ZSWIM6: variants seen among roughly 807,000 people sequenced by gnomAD.
The protein encoded by ZSWIM6 is zinc finger SWIM domain-containing protein 6.
ZSWIM6 carries 9 observed loss-of-function variants against 113.2 expected under a neutral mutation model. The observed-to-expected ratio is 0.08, with a 90% confidence interval of 0.05 to 0.14. The LOEUF is 0.14. Ranked by LOEUF, ZSWIM6 falls within the 10% of genes least tolerant of loss-of-function variation. The pLI, the probability that ZSWIM6 is intolerant of heterozygous loss-of-function variation, is 1.00. For missense variants in ZSWIM6, 1,162 were observed against 1,552.2 expected (o/e 0.75, Z 4.22); for synonymous variants, 611 against 606.5 (o/e 1.01, Z -0.11).
chr5:61,332,686 C>G lies in ZSWIM6; in HGVS notation c.414C>G (p.Gly138=). 1 of 1,068,998 alleles carries G rather than the reference C, an allele frequency of 9.4e-7. No individual in the cohort carries two copies. The highest frequency in any genetic ancestry group is 1.2e-6 in the Non-Finnish European group (1 of 868,446). The allele number at this position is 1,068,998 out of a possible 1,614,324, so 66.2% of individuals were successfully genotyped here. The change falls in exon 1 of 14, where the codon GGC becomes GGG. Residue 138 remains glycine, a synonymous_variant. Coordinates refer to ENST00000252744, the MANE Select transcript of ZSWIM6 (RefSeq NM_020928.2). ...NTGGGAAGGP[G]DDSGGGGGAG... ...GCGGCGGCGCCGCGGGCGGCCCCGG[C>G]GACGACAGCGGTGGCGGCGGCGGCG...
intron 1 of ZSWIM6, among the ~76,000 whole-genome samples, chr5:61,470,295 G>A (rs1406379344): frequency 3.9e-5 from 6 of 152,166 alleles, no homozygotes; most frequent in East Asian, 1.9e-4. Context: ...TAAGATAACC[G>A]GTTTCCCCGT....
intron 4 of ZSWIM6, among the ~76,000 whole-genome samples, chr5:61,494,975 T>G (rs1048032838): frequency 6.6e-6 from 1 of 152,168 alleles, no homozygotes; most frequent in Non-Finnish European, 1.5e-5. Context: ...CCACTAGTCA[T>G]GTTCATTAAA....
At chr5:61,374,148 T>C (rs557045906) in intron 1 of ZSWIM6, among the ~76,000 whole-genome samples, 2 of 152,176 alleles carry the variant, frequency 1.3e-5, no homozygotes, top group African/African-American at 4.8e-5. Flanking sequence ...AATGGAAAAT[T>C]AGAAAACAGT....
chr5:61,544,518 C>G lies in ZSWIM6; in HGVS notation c.*201C>G, dbSNP rs182347312. The G allele has an allele frequency of 5.4e-5, 16 of 293,746 alleles. No homozygotes were observed. Among genetic ancestry groups the G allele is most frequent in the African/African-American group, 2.4e-4 (11 of 45,714 alleles). The allele number at this position is 293,746 out of a possible 1,614,324, so 18.2% of individuals were successfully genotyped here. A position where few individuals can be genotyped will look rare whatever the true frequency, so the allele number is the denominator to read the frequency against. On this transcript the variant is annotated 3_prime_UTR_variant, in exon 14 of 14. Transcript: ENST00000252744. ...TATTTTTTCCCTATTTCTTTCTTTCCTTTATTTTATTATTTTTTTTAATTT... is the reference window on the plus strand; with the variant it reads ...TATTTTTTCCCTATTTCTTTCTTTCGTTTATTTTATTATTTTTTTTAATTT...
At chr5:61,457,788 G>T (rs527431150) in intron 1 of ZSWIM6, among the ~76,000 whole-genome samples, 1 of 152,136 alleles carries the variant, frequency 6.6e-6, no homozygotes. Flanking sequence ...CTCCTAAAGT[G>T]CTGGGATTAC....
chr5:61,458,407 G>A (rs1300637480), intron 1 of ZSWIM6, among the ~76,000 whole-genome samples: 1 of 152,124 alleles, frequency 6.6e-6, no homozygotes, highest in Non-Finnish European at 1.5e-5. Flanking sequence ...CTAAATAAAT[G>A]AGTAGATAAC....
intron 1 of ZSWIM6, among the ~76,000 whole-genome samples, chr5:61,381,520 A>AAC (rs1373755138): frequency 6.6e-6 from 1 of 152,250 alleles, no homozygotes; most frequent in African/African-American, 2.4e-5. Flanking sequence ...AGCTCAAAGT[A>AAC]ACATTATGTG....
At chr5:61,441,021 G>C (rs1746821187) in intron 1 of ZSWIM6, among the ~76,000 whole-genome samples, 1 of 152,180 alleles carries the variant, frequency 6.6e-6, no homozygotes. Context: ...GCCTTTCGCT[G>C]TGTTGAGAAA....
chr5:61,455,878 G>A (rs1747197273), intron 1 of ZSWIM6, among the ~76,000 whole-genome samples: 2 of 136,292 alleles, frequency 1.5e-5, no homozygotes, highest in Admixed American at 8.5e-5. Flanking sequence ...GTGTTGATAA[G>A]TTTTCAAAAG....
chr5:61,414,119 G>C (rs1472158474), intron 1 of ZSWIM6, among the ~76,000 whole-genome samples: 3 of 152,082 alleles, frequency 2.0e-5, no homozygotes, highest in Non-Finnish European at 2.9e-5. Context: ...GAGTGTAGTG[G>C]GAAGCCATCC....
chr5:61,503,407 T>G (rs1429280508), intron 4 of ZSWIM6, among the ~76,000 whole-genome samples: 1 of 152,178 alleles, frequency 6.6e-6, no homozygotes, highest in Non-Finnish European at 1.5e-5. Flanking sequence ...CTAGCTAGAT[T>G]AATAAATTTC....
At chr5:61,340,148 T>C (rs1251844341) in intron 1 of ZSWIM6, among the ~76,000 whole-genome samples, 1 of 152,240 alleles carries the variant, frequency 6.6e-6, no homozygotes, top group African/African-American at 2.4e-5. Context: ...TTCCTTATTT[T>C]TTTTCATCTA....
At chr5:61,519,427 G>GA (rs918324463) in intron 4 of ZSWIM6, among the ~76,000 whole-genome samples, 1 of 151,962 alleles carries the variant, frequency 6.6e-6, no homozygotes, top group East Asian at 1.9e-4. Flanking sequence ...AATGCTAGGA[G>GA]AAAAAAAAGA....
At chr5:61,392,077 C>G (rs148332958) in intron 1 of ZSWIM6, among the ~76,000 whole-genome samples, 2 of 152,212 alleles carry the variant, frequency 1.3e-5, no homozygotes, top group East Asian at 3.9e-4. Flanking sequence ...CCAGATAGAA[C>G]TAAGAAAACT....
intron 1 of ZSWIM6, among the ~76,000 whole-genome samples, chr5:61,393,762 G>A (rs991713520): frequency 1.3e-5 from 2 of 151,516 alleles, no homozygotes; most frequent in African/African-American, 4.9e-5. Context: ...TGTACTTTTA[G>A]ACGGAATGTA....
At chr5:61,334,243 CT>C (rs1403554665) in intron 1 of ZSWIM6, among the ~76,000 whole-genome samples, 1 of 152,126 alleles carries the variant, frequency 6.6e-6, no homozygotes, top group African/African-American at 2.4e-5. Context: ...TCTTTTTCCC[CT>C]GTCCAGATCT....
At chr5:61,348,077 C>T (rs1279121718) in intron 1 of ZSWIM6, among the ~76,000 whole-genome samples, 1 of 151,930 alleles carries the variant, frequency 6.6e-6, no homozygotes, top group African/African-American at 2.4e-5. Flanking sequence ...AAAAGTTAGC[C>T]GGGTGTGGTG....
chr5:61,353,344 A>C lies in ZSWIM6; in HGVS notation c.676+20396A>C, dbSNP rs189020794. Among the ~76,000 whole-genome samples the C allele has an allele frequency of 8.7e-4, 132 of 152,326 alleles. 1 individual carries two copies. Among genetic ancestry groups the C allele is most frequent in the Middle Eastern group, 6.8e-3 (2 of 294 alleles). ...AGCTCTCATAACAACTTTGAGGAGA[A>C]GGTATTCTCATTCTAAGGCTGAGGA... On this transcript the variant is annotated intron_variant, in intron 1 of 13. Transcript: ENST00000252744.
At chr5:61,495,326 TAAGGAAAC>T (rs1318189254) in intron 4 of ZSWIM6, among the ~76,000 whole-genome samples, 1 of 152,080 alleles carries the variant, frequency 6.6e-6, no homozygotes. Flanking sequence ...GTTTTACAAA[TAAGGAAAC>T]AAGTCCCGAG....
Sources: gnomAD v4.1 joint callset for allele counts (sites outside exome capture counted in the v4.1 genomes callset) on GRCh38, gnomAD v4.1.1 for gene constraint, MANE v1.5 for transcripts, NCBI Gene and HGNC (gene_info 2026-07-23, HGNC 2026-07-21) for gene names.